BAG4: variants seen among roughly 807,000 people sequenced by gnomAD.
BAG4 encodes BAG family molecular chaperone regulator 4.
In BAG4, 28 loss-of-function variants were observed where a neutral mutation model predicts 52.1. That is an observed-to-expected ratio of 0.54 (90% CI 0.40 to 0.74). BAG4 has a LOEUF of 0.74. Among genes scored for constraint, BAG4 ranks in the 30% least tolerant of loss-of-function variants. The pLI, the probability that BAG4 is intolerant of heterozygous loss-of-function variation, is 0.00. For synonymous variants in BAG4, 208 were observed against 217.0 expected (o/e 0.96, Z 0.37); for missense variants, 525 against 572.0 (o/e 0.92, Z 0.84).
intron 1 of BAG4, among the ~76,000 whole-genome samples, chr8:38,187,576 A>G (rs1306241229): frequency 6.6e-6 from 1 of 152,194 alleles, no homozygotes; most frequent in Non-Finnish European, 1.5e-5. Flanking sequence ...GTATAACAAT[A>G]TAATGTTGAG....
chr8:38,180,944 T>A (rs1414515613), intron 1 of BAG4, among the ~76,000 whole-genome samples: 1 of 150,748 alleles, frequency 6.6e-6, no homozygotes, highest in Non-Finnish European at 1.5e-5. Context: ...TATCACTATT[T>A]TTTTTTTTTT....
At chr8:38,177,431 G>C (rs537935039) in intron 1 of BAG4, among the ~76,000 whole-genome samples, 18 of 152,360 alleles carry the variant, frequency 1.2e-4, no homozygotes, top group African/African-American at 4.1e-4. Flanking sequence ...TGGGAGCGGT[G>C]CTGGGTAGGG....
intron 1 of BAG4, among the ~76,000 whole-genome samples, chr8:38,180,243 C>T (rs1803238089): frequency 6.6e-6 from 1 of 152,036 alleles, no homozygotes; most frequent in Admixed American, 6.5e-5. Context: ...TGTATGTTGG[C>T]CGGGCGTGGT....
chr8:38,198,501 T>G lies in BAG4; in HGVS notation c.378+5706T>G, dbSNP rs1166443223. 5.3e-5 allele frequency among the ~76,000 whole-genome samples: 8 copies of G among 150,246 alleles called. 1 individual carries two copies. The highest frequency in any genetic ancestry group is 6.4e-3 in the Middle Eastern group (2 of 314). ...GTTTTTTGTTTGTTTTTTGTTTTTT[T>G]TTTTTGAGATGGAGTTTCACTCTGT... On this transcript the variant is annotated intron_variant, in intron 2 of 4. Coordinates refer to ENST00000287322, the MANE Select transcript of BAG4 (RefSeq NM_004874.4).
intron 1 of BAG4, among the ~76,000 whole-genome samples, chr8:38,185,872 C>T (rs145284849): frequency 6.6e-6 from 1 of 152,166 alleles, no homozygotes; most frequent in East Asian, 1.9e-4. Flanking sequence ...CATGAAGAAA[C>T]ACTTGTTCAA....
At position 38,209,005 on chromosome 8, in the gene BAG4, C is replaced by A. The variant is rs779313870; in HGVS notation, c.634-8C>A. 1 of 1,603,228 alleles carries A rather than the reference C, an allele frequency of 6.2e-7. No homozygotes were observed. The highest frequency in any genetic ancestry group is 8.5e-7 in the Non-Finnish European group (1 of 1,173,500). Reference sequence around the variant, plus strand: ...CAATGACTGGTATATTTCTTCTTCTCAATCTAGAACCCTGGAATGACCCTG... The same window carrying A: ...CAATGACTGGTATATTTCTTCTTCTAAATCTAGAACCCTGGAATGACCCTG... On this transcript the variant is annotated splice_polypyrimidine_tract_variant and splice_region_variant and intron_variant, in intron 3 of 4. Coordinates refer to ENST00000287322, the MANE Select transcript of BAG4 (RefSeq NM_004874.4).
At chr8:38,182,137 C>G (rs1437707308) in intron 1 of BAG4, among the ~76,000 whole-genome samples, 6 of 151,890 alleles carry the variant, frequency 4.0e-5, no homozygotes, top group Non-Finnish European at 5.9e-5. Context: ...AGGGACAACA[C>G]AGAGAAGCAT....
intron 1 of BAG4, among the ~76,000 whole-genome samples, chr8:38,184,914 C>A (rs1208712343): frequency 6.6e-6 from 1 of 152,080 alleles, no homozygotes; most frequent in African/African-American, 2.4e-5. Flanking sequence ...CATGGTGAAA[C>A]CCTGTCTCTA....
chr8:38,197,967 C>T (rs920219589), intron 2 of BAG4, among the ~76,000 whole-genome samples: 5 of 151,954 alleles, frequency 3.3e-5, no homozygotes, highest in African/African-American at 9.7e-5. Flanking sequence ...CCCAAAGTGC[C>T]GGGATTATAG....
rs2130693293 is a variant in BAG4 at position 38,209,193 on chromosome 8, A to G, written c.814A>G (p.Thr272Ala). The G allele has an allele frequency of 6.2e-7, 1 of 1,614,102 alleles. No homozygotes were observed. Among genetic ancestry groups the G allele is most frequent in the Middle Eastern group, 1.7e-4 (1 of 6,060 alleles). The change falls in exon 4 of 5, where the codon ACT (threonine) becomes GCT (alanine). Residue 272 changes from threonine (T) to alanine (A), a missense_variant. Coordinates refer to ENST00000287322, the MANE Select transcript of BAG4 (RefSeq NM_004874.4). Reference sequence around the variant, plus strand: ...AGCACCACCCGGCAATCTCTACATGACTGAAAGTACTTCACCATGGCCTAG... The same window carrying G: ...AGCACCACCCGGCAATCTCTACATGGCTGAAAGTACTTCACCATGGCCTAG... The part of the protein sequence containing the change: ...PSAPPGNLYM[T>A]ESTSPWPSSG...
At position 38,207,648 on chromosome 8, in the gene BAG4, C is replaced by A. The variant is rs1354600047; in HGVS notation, c.515C>A (p.Thr172Asn). Residue 172 changes from threonine (T) to asparagine (N), a missense_variant, in exon 3 of 5, where the codon ACT becomes AAT. Thr to Asn is a moderately conservative substitution (Grantham distance 65). Coordinates refer to ENST00000287322, the MANE Select transcript of BAG4 (RefSeq NM_004874.4). Reference protein sequence around the residue: ...QTSYSTEVPSTYRSSGNSPTP... With the variant: ...QTSYSTEVPSNYRSSGNSPTP... ...AGTTACTCCACAGAAGTTCCAAGTACTTACCGTTCATCTGGCAACAGCCCA... is the reference window on the plus strand; with the variant it reads ...AGTTACTCCACAGAAGTTCCAAGTAATTACCGTTCATCTGGCAACAGCCCA... 2.5e-6 allele frequency: 4 copies of A among 1,614,048 alleles called. No individual in the cohort carries two copies. The highest frequency in any genetic ancestry group is 3.4e-6 in the Non-Finnish European group (4 of 1,180,032).
chr8:38,196,893 A>G (rs2130679172), intron 2 of BAG4, among the ~76,000 whole-genome samples: 2 of 151,860 alleles, frequency 1.3e-5, no homozygotes, highest in East Asian at 3.9e-4. Flanking sequence ...CCTGGCCAAC[A>G]TGGTGAAACC....
intron 2 of BAG4, among the ~76,000 whole-genome samples, chr8:38,202,559 CTT>C (rs577407833): frequency 1.4e-5 from 2 of 142,934 alleles, no homozygotes; most frequent in Non-Finnish European, 1.5e-5. Flanking sequence ...GCTCGGCCCC[CTT>C]TTTTTTTTTT....
In BAG4 at chr8:38,180,472, G is replaced by T. The variant is rs192974894; in HGVS notation, c.270+3333G>T. Among the ~76,000 whole-genome samples, 186 of 132,384 alleles carry T rather than the reference G, an allele frequency of 1.4e-3. 2 individuals carry two copies. Among genetic ancestry groups the T allele is most frequent in the African/African-American group, 4.9e-3 (171 of 34,702 alleles). The allele number at this position is 132,384 out of a possible 152,430, so 86.8% of individuals were successfully genotyped here. On this transcript the variant is annotated intron_variant, in intron 1 of 4. Coordinates refer to ENST00000287322, the MANE Select transcript of BAG4 (RefSeq NM_004874.4). ...CGGGAGGCAGAAGTTGCAGTGAGCC[G>T]AGATCATGCCACTGCACCCCAGCCT...
At chr8:38,179,242 CT>C (rs1479804480) in intron 1 of BAG4, among the ~76,000 whole-genome samples, 2 of 152,088 alleles carry the variant, frequency 1.3e-5, no homozygotes, top group Non-Finnish European at 2.9e-5. Flanking sequence ...TCACTGCAAC[CT>C]CTGCCTCCCG....
intron 2 of BAG4, among the ~76,000 whole-genome samples, chr8:38,203,543 A>G (rs1260124720): frequency 3.9e-5 from 6 of 152,138 alleles, no homozygotes. Flanking sequence ...TTGGCCTCCC[A>G]AAGTGCTCAG....
chr8:38,183,404 A>G (rs1446161130), intron 1 of BAG4, among the ~76,000 whole-genome samples: 4 of 152,056 alleles, frequency 2.6e-5, no homozygotes, highest in African/African-American at 9.7e-5. Context: ...GCTATTTCCC[A>G]GAACTTCTCC....
In BAG4 at chr8:38,210,267, T is replaced by A. The variant is rs1803844621; in HGVS notation, c.1148T>A (p.Ile383Asn). 6.2e-7 allele frequency: 1 copy of A among 1,614,004 alleles called. No homozygotes were observed. The highest frequency in any genetic ancestry group is 1.3e-5 in the African/African-American group (1 of 74,908). The change falls in exon 5 of 5, where the codon ATC becomes AAC. Residue 383 changes from isoleucine (I) to asparagine (N), a missense_variant. Transcript: ENST00000287322. ...DESTPPSIKKIIHVLEKVQYL... is the reference protein window; with the variant it reads ...DESTPPSIKKNIHVLEKVQYL... ...AGTACTCCTCCGAGTATTAAAAAAA[T>A]CATACATGTGCTGGAGAAGGTCCAG...
chr8:38,207,291 A>C (rs542194009), intron 2 of BAG4, among the ~76,000 whole-genome samples: 1 of 151,140 alleles, frequency 6.6e-6, no homozygotes, highest in African/African-American at 2.4e-5. Context: ...TTGTAGAAAC[A>C]GGGTCTCACT....
Sources: allele counts gnomAD v4.1 joint callset (sites outside exome capture counted in the v4.1 genomes callset), GRCh38; gene constraint gnomAD v4.1.1; transcripts MANE v1.5; gene names NCBI Gene and HGNC (gene_info 2026-07-23, HGNC 2026-07-21).